Variants in ABL1 observed in about 807,000 individuals in gnomAD.
ABL1 encodes the protein tyrosine-protein kinase ABL1.
In ABL1, 11 loss-of-function variants were observed where a neutral mutation model predicts 94.7. The observed-to-expected ratio is 0.12, with a 90% CI of 0.07 to 0.19. The LOEUF is 0.19. Ranked by LOEUF, ABL1 falls within the 10% of genes least tolerant of loss-of-function variation. The pLI, the probability that ABL1 is intolerant of heterozygous loss-of-function variation, is 1.00. For synonymous variants in ABL1, 656 were observed against 622.4 expected, an observed-to-expected ratio of 1.05 and a Z score of -0.80; for missense variants, 1,082 against 1,489.4, an observed-to-expected ratio of 0.73 and a Z score of 4.50.
chr9:130,869,262 T>G (rs1030635396), intron 4 of ABL1, among the ~76,000 whole-genome samples: 5 of 152,216 alleles, frequency 3.3e-5, no homozygotes, highest in Non-Finnish European at 1.5e-5. Flanking sequence ...AACCAGCCTT[T>G]GTTTTCTACA....
chr9:130,834,203 A>G (rs1315062702), upstream of ABL1, among the ~76,000 whole-genome samples: 2 of 152,250 alleles, frequency 1.3e-5, no homozygotes, highest in Non-Finnish European at 2.9e-5. Context: ...GTAACATGGC[A>G]CATAGGAAGA....
At chr9:130,763,323 GT>G (rs59238943) in intron 1 of ABL1, among the ~76,000 whole-genome samples, 7 of 144,894 alleles carry the variant, frequency 4.8e-5, no homozygotes, top group Admixed American at 4.8e-4. Flanking sequence ...CATTTTTGTG[GT>G]TTTTTTTCAT....
intron 1 of ABL1, among the ~76,000 whole-genome samples, chr9:130,715,744 G>A (rs1831429079): frequency 6.6e-6 from 1 of 152,168 alleles, no homozygotes; most frequent in Non-Finnish European, 1.5e-5. Flanking sequence ...TGAAATGTAC[G>A]TGCCAATGAC....
At chr9:130,723,864 T>C (rs1831545730) in intron 1 of ABL1, among the ~76,000 whole-genome samples, 1 of 151,884 alleles carries the variant, frequency 6.6e-6, no homozygotes. Flanking sequence ...CAGGCTGGAG[T>C]GCAGTGGCGC....
chr9:130,716,976 A>G (rs754180172), intron 1 of ABL1, among the ~76,000 whole-genome samples: 1 of 152,150 alleles, frequency 6.6e-6, no homozygotes, highest in Non-Finnish European at 1.5e-5. Context: ...TACAGATGCC[A>G]TATTTTAATA....
Position 130,880,505 on chromosome 9 carries a change from GA to G in ABL1, c.1523del (p.Lys508ArgfsTer12). 6.2e-7 allele frequency: 1 copy of G among 1,613,900 alleles called. No homozygotes were observed. Among genetic ancestry groups the G allele is most frequent in the Non-Finnish European group, 8.5e-7 (1 of 1,179,888 alleles). On this transcript the variant is annotated frameshift_variant, in exon 10 of 11. Transcript: ENST00000318560. LOFTEE classifies it high-confidence loss of function. This position sits in a 1 kb window ranked among gnomAD's most constrained non-coding sequence, Gnocchi z 4.4. Reference protein sequence around the residue: ...FQESSISDEVEKELGKQGVRG... With the variant: ...FQESSISDEVXKELGKQGVRG... Reference sequence around the variant, plus strand: ...TGTCCCTGTATGATTCTTAGAAGTGGAAAAGGAGCTGGGGAAACAAGGCGTC... The same window carrying G: ...TGTCCCTGTATGATTCTTAGAAGTGGAAAGGAGCTGGGGAAACAAGGCGTC...
chr9:130,808,694 G>A (rs565400106), intron 1 of ABL1, among the ~76,000 whole-genome samples: 2 of 152,246 alleles, frequency 1.3e-5, no homozygotes, highest in East Asian at 3.9e-4. Flanking sequence ...GTTTAGTCTT[G>A]TAGCTCTAAA....
At chr9:130,874,602 A>G (rs774412997) in intron 6 of ABL1, among the ~76,000 whole-genome samples, 9 of 152,230 alleles carry the variant, frequency 5.9e-5, no homozygotes, top group Non-Finnish European at 1.0e-4. Flanking sequence ...CGGATGAGGT[A>G]ACTGAGTCCC....
chr9:130,716,253 G>A (rs1029828205), intron 1 of ABL1, among the ~76,000 whole-genome samples: 1 of 151,418 alleles, frequency 6.6e-6, no homozygotes, highest in African/African-American at 2.4e-5. Context: ...CGTCACTGAC[G>A]CCCGGCTAAT....
chr9:130,790,601 G>GC, intron 1 of ABL1, among the ~76,000 whole-genome samples: 1 of 151,568 alleles, frequency 6.6e-6, no homozygotes, highest in Non-Finnish European at 1.5e-5. Context: ...CTCCTGAGTA[G>GC]TTGGGACTAC....
chr9:130,792,771 A>G (rs1418331980), intron 1 of ABL1, among the ~76,000 whole-genome samples: 1 of 152,158 alleles, frequency 6.6e-6, no homozygotes, highest in Non-Finnish European at 1.5e-5. Context: ...AGATCCTCAG[A>G]GAGGTTAAAT....
chr9:130,796,920 C>CA (rs10607745), intron 1 of ABL1, among the ~76,000 whole-genome samples: 1,418 of 60,232 alleles, frequency 0.024, 20 homozygotes, highest in East Asian at 0.046. Context: ...AACTTCATCT[C>CA]AAAAAAAAAA....
rs190795435 is a variant in ABL1 at position 130,860,439 on chromosome 9, G to A, written c.550-2324G>A. 4.7e-3 allele frequency among the ~76,000 whole-genome samples: 720 copies of A among 152,306 alleles called. 22 individuals are homozygous for A. The highest frequency in any genetic ancestry group is 1.5e-3 in the East Asian group (8 of 5,184). On this transcript the variant is annotated intron_variant, in intron 3 of 10. Coordinates refer to ENST00000318560, the MANE Select transcript of ABL1 (RefSeq NM_005157.6). ...AAGTCTCTAACACAGTAGCCAATGG[G>A]GGAATCAAATGAGCCCAAGAAGAAA...
chr9:130,736,130 A>G (rs1319801001), intron 1 of ABL1, among the ~76,000 whole-genome samples: 1 of 150,554 alleles, frequency 6.6e-6, no homozygotes, highest in African/African-American at 2.5e-5. Context: ...TGTTTTTTGT[A>G]TTTTTTGTAG....
chr9:130,747,702 T>C (rs1175045908), intron 1 of ABL1, among the ~76,000 whole-genome samples: 3 of 152,160 alleles, frequency 2.0e-5, no homozygotes, highest in South Asian at 2.1e-4. Context: ...CATGAGCCAC[T>C]GTACCCAGCC....
intron 1 of ABL1, among the ~76,000 whole-genome samples, chr9:130,784,114 T>TAA (rs35005214): frequency 9.2e-5 from 14 of 151,932 alleles, no homozygotes; most frequent in African/African-American, 1.2e-4. Context: ...TTCTCATTTT[T>TAA]AAAAAAAATC....
At chr9:130,726,031 T>G (rs565914127) in intron 1 of ABL1, among the ~76,000 whole-genome samples, 1 of 151,408 alleles carries the variant, frequency 6.6e-6, no homozygotes, top group East Asian at 2.0e-4. Context: ...AAAAAAAATT[T>G]ATAGAGACAG....
Position 130,843,497 on chromosome 9 carries a change from G to A in ABL1, c.79+7972G>A, listed in dbSNP as rs954697469. Among the ~76,000 whole-genome samples the A allele has an allele frequency of 2.6e-5, 4 of 152,164 alleles. No individual in the cohort carries two copies. The East Asian group carries it at 7.7e-4, about 29-fold the overall frequency. Reference sequence around the variant, plus strand: ...AATGTCTTCAAGACATGCTGGTGCTGAGGTTTGAACAAGGCCTGTCCACCC... The same window carrying A: ...AATGTCTTCAAGACATGCTGGTGCTAAGGTTTGAACAAGGCCTGTCCACCC... On this transcript the variant is annotated intron_variant, in intron 1 of 10. Coordinates refer to ENST00000318560, the MANE Select transcript of ABL1 (RefSeq NM_005157.6).
chr9:130,847,053 A>AT (rs375448757), intron 1 of ABL1, among the ~76,000 whole-genome samples: 8 of 152,006 alleles, frequency 5.3e-5, no homozygotes, highest in African/African-American at 1.9e-4. Flanking sequence ...GGTTTGAGGC[A>AT]TTTTTTAGAT....
Sources: allele counts gnomAD v4.1 joint callset (sites outside exome capture counted in the v4.1 genomes callset), GRCh38; gene constraint gnomAD v4.1.1; non-coding constraint Gnocchi (gnomAD v3.1); transcripts MANE v1.5; gene names NCBI Gene and HGNC (gene_info 2026-07-23, HGNC 2026-07-21).